The following RICTOR variants were observed in gnomAD, a reference collection of about 807,000 sequenced individuals.
RICTOR encodes the protein rapamycin-insensitive companion of mTOR.
RICTOR carries 49 observed loss-of-function variants against 214.9 expected under a neutral mutation model. That is an observed-to-expected ratio of 0.23 (90% confidence interval 0.18 to 0.29). The LOEUF is 0.29. Ranked by LOEUF, RICTOR falls within the 10% of genes least tolerant of loss-of-function variation. RICTOR has a pLI of 1.00. For missense variants in RICTOR, 1,625 were observed against 2,047.0 expected (o/e 0.79, Z 3.98); for synonymous variants, 717 against 711.3 (o/e 1.01, Z -0.13).
At chr5:39,026,541 C>T (rs1024396954) in intron 2 of RICTOR, among the ~76,000 whole-genome samples, 1 of 152,050 alleles carries the variant, frequency 6.6e-6, no homozygotes, top group African/African-American at 2.4e-5. Context: ...GCAGTAACTG[C>T]AGCAATTCCA....
chr5:39,060,910 T>C (rs891146853), intron 2 of RICTOR, among the ~76,000 whole-genome samples: 2 of 152,032 alleles, frequency 1.3e-5, no homozygotes, highest in African/African-American at 4.8e-5. Flanking sequence ...TCATAATACC[T>C]ATATGATCTT....
rs546431216 is a variant in RICTOR at position 39,010,022 on chromosome 5, T to G, written c.196-6400A>C. On this transcript the variant is annotated intron_variant, in intron 3 of 37. Transcript: ENST00000357387. The stretch of plus-strand genomic sequence containing the variant: ...TTGGCTCTGTGTCCCCACCAAAATC[T>G]CACCTTGAATTCTAATAATCCCCAC... Among the ~76,000 whole-genome samples the G allele has an allele frequency of 1.8e-4, 28 of 152,268 alleles. No homozygotes were observed. The Middle Eastern group carries it at 0.01, about 55-fold the overall frequency.
At chr5:38,992,804 C>A (rs1360877670) in intron 6 of RICTOR, among the ~76,000 whole-genome samples, 1 of 152,114 alleles carries the variant, frequency 6.6e-6, no homozygotes, top group Non-Finnish European at 1.5e-5. Context: ...CCATAAAATG[C>A]AGTCACTGTT....
chr5:38,965,781 G>A lies in RICTOR; in HGVS notation c.1299+860C>T, dbSNP rs1750164603. On this transcript the variant is annotated intron_variant, in intron 15 of 37. Transcript: ENST00000357387. Reference sequence around the variant, plus strand: ...TTTACCTCACTCACATAGCCCAGTTGCTATGAAGGGAAAACAAGGGTGGGG... The same window carrying A: ...TTTACCTCACTCACATAGCCCAGTTACTATGAAGGGAAAACAAGGGTGGGG... 2.6e-5 allele frequency among the ~76,000 whole-genome samples: 4 copies of A among 152,116 alleles called. No homozygotes were observed. In the South Asian group the frequency reaches 8.3e-4, roughly 32 times the overall value.
At chr5:38,984,284 A>C (rs1396069356) in intron 7 of RICTOR, among the ~76,000 whole-genome samples, 1 of 152,170 alleles carries the variant, frequency 6.6e-6, no homozygotes, top group African/African-American at 2.4e-5. Context: ...TGAGTTTTCC[A>C]AACATTTGTG....
At chr5:38,962,258 G>A in intron 19 of RICTOR, 57 bp downstream of exon 19, 5 of 776,556 alleles carry the variant, frequency 6.4e-6, no homozygotes, top group Non-Finnish European at 1.1e-5. Context: ...GCAGGTATTA[G>A]GCCTAATATC....
chr5:38,954,657 C>A (rs1749081783), intron 27 of RICTOR, 117 bp downstream of exon 27: 2 of 637,470 alleles, frequency 3.1e-6, no homozygotes, highest in Non-Finnish European at 2.8e-6. Context: ...AAAGCAATTA[C>A]ACCACTGATA....
intron 20 of RICTOR, 64 bp downstream of exon 20, chr5:38,960,334 G>C: frequency 6.7e-7 from 1 of 1,482,688 alleles, no homozygotes; most frequent in Non-Finnish European, 9.3e-7. Context: ...TGGAAACAGA[G>C]GGAGGGTAAG....
intron 3 of RICTOR, among the ~76,000 whole-genome samples, chr5:39,018,179 C>G (rs1425994935): frequency 1.3e-5 from 2 of 152,016 alleles, no homozygotes; most frequent in Non-Finnish European, 2.9e-5. Flanking sequence ...TACCAATCCA[C>G]TCATCAAACT....
intron 2 of RICTOR, among the ~76,000 whole-genome samples, chr5:39,031,779 T>TA (rs1756292621): frequency 6.6e-6 from 1 of 152,182 alleles, no homozygotes; most frequent in Non-Finnish European, 1.5e-5. Flanking sequence ...ATTAAACAAT[T>TA]ACACAAATCT....
At chr5:38,995,412 T>TGG (rs1303724405) in intron 6 of RICTOR, among the ~76,000 whole-genome samples, 2 of 151,472 alleles carry the variant, frequency 1.3e-5, no homozygotes, top group Admixed American at 1.3e-4. Context: ...GGACCAGAGG[T>TGG]GGGGGGAGTT....
chr5:39,027,461 A>C (rs942617092), intron 2 of RICTOR, among the ~76,000 whole-genome samples: 1 of 152,152 alleles, frequency 6.6e-6, no homozygotes, highest in African/African-American at 2.4e-5. Context: ...TGCTTTTATA[A>C]GTAAAAATGG....
rs532883881 is a variant in RICTOR at position 38,948,003 on chromosome 5, GAT to G, written c.4137-564_4137-563del. Among the ~76,000 whole-genome samples, 10 of 150,310 alleles carry G rather than the reference GAT, an allele frequency of 6.7e-5. No homozygotes were observed. The East Asian group carries it at 1.9e-3, about 29-fold the overall frequency. ...ACGAGATATCCTTGTAAAAAGCACT[GAT>G]ATTTCCACAATGTACTGATATTTCC... On this transcript the variant is annotated intron_variant, in intron 31 of 37. Coordinates refer to ENST00000357387, the MANE Select transcript of RICTOR (RefSeq NM_152756.5).
At chr5:39,012,920 G>C (rs967845405) in intron 3 of RICTOR, among the ~76,000 whole-genome samples, 17 of 152,006 alleles carry the variant, frequency 1.1e-4, no homozygotes, top group African/African-American at 3.9e-4. Flanking sequence ...CTAAGAGAGG[G>C]TTACTCTCTG....
intron 8 of RICTOR, among the ~76,000 whole-genome samples, chr5:38,980,361 T>G (rs914129603): frequency 2.6e-5 from 4 of 152,184 alleles, no homozygotes; most frequent in African/African-American, 2.4e-5. Flanking sequence ...CCACTAGAGA[T>G]GGCTTATTCT....
intron 2 of RICTOR, among the ~76,000 whole-genome samples, chr5:39,041,318 C>T (rs927318802): frequency 6.6e-6 from 1 of 152,050 alleles, no homozygotes; most frequent in Non-Finnish European, 1.5e-5. Flanking sequence ...CTTCAGAAAA[C>T]AGGATGATGA....
chr5:39,068,336 G>A (rs1759049467), intron 2 of RICTOR, among the ~76,000 whole-genome samples: 1 of 152,208 alleles, frequency 6.6e-6, no homozygotes, highest in African/African-American at 2.4e-5. Flanking sequence ...GAGGTGGAAT[G>A]GGGGTTGGTG....
chr5:39,023,113 C>A (rs938254327), intron 2 of RICTOR, among the ~76,000 whole-genome samples: 1 of 150,278 alleles, frequency 6.7e-6, no homozygotes, highest in African/African-American at 2.5e-5. Context: ...TAGAGAAAAA[C>A]AAAAACAAAC....
intron 2 of RICTOR, among the ~76,000 whole-genome samples, chr5:39,047,861 TAA>T (rs1757600482): frequency 6.6e-6 from 1 of 152,232 alleles, no homozygotes; most frequent in African/African-American, 2.4e-5. Flanking sequence ...TTTCTACAAC[TAA>T]GTTATTGAAA....
Sources: gnomAD v4.1 joint callset for allele counts (sites outside exome capture counted in the v4.1 genomes callset) on GRCh38, gnomAD v4.1.1 for gene constraint, MANE v1.5 for transcripts, NCBI Gene and HGNC (gene_info 2026-07-23, HGNC 2026-07-21) for gene names.